Variants in LAMA3 observed in about 807,000 individuals in gnomAD.
LAMA3 encodes laminin subunit alpha 3.
Under a neutral mutation model 402.0 loss-of-function variants are expected in LAMA3, and 281 were observed. The observed-to-expected ratio is 0.70, with a 90% CI of 0.63 to 0.77. The LOEUF (loss-of-function observed/expected upper bound fraction) is 0.77, where lower values mean the gene tolerates loss of function less well. Among genes scored for constraint, LAMA3 ranks in the 30% least tolerant of loss-of-function variants. The pLI, the probability that LAMA3 is intolerant of heterozygous loss-of-function variation, is 0.00. For missense variants in LAMA3, 3,840 were observed against 4,215.5 expected (o/e 0.91, Z 2.47); for synonymous variants, 1,431 against 1,558.4 (o/e 0.92, Z 1.93).
intron 6 of LAMA3, among the ~76,000 whole-genome samples, 153 bp from the exon 7 acceptor site, chr18:23,758,243 A>G (rs1392537474): frequency 1.3e-5 from 2 of 152,264 alleles, no homozygotes; most frequent in South Asian, 2.1e-4. Flanking sequence ...GGAGGCTTAA[A>G]TAATACTTGC....
intron 11 of LAMA3, among the ~76,000 whole-genome samples, chr18:23,781,059 T>G (rs2062427089): frequency 6.6e-6 from 1 of 152,222 alleles, no homozygotes; most frequent in South Asian, 2.1e-4. Flanking sequence ...TTTCTTGAGA[T>G]ATAATCACTG....
chr18:23,894,819 G>A, intron 43 of LAMA3, 88 bp from the exon 44 acceptor site: 1 of 1,545,224 alleles, frequency 6.5e-7, no homozygotes. Flanking sequence ...CTGCGTGCAT[G>A]CCAACTGGGC....
chr18:23,722,867 C>T (rs1266232970), intron 2 of LAMA3, among the ~76,000 whole-genome samples: 3 of 152,126 alleles, frequency 2.0e-5, no homozygotes, highest in Non-Finnish European at 4.4e-5. Flanking sequence ...ACAATTATGA[C>T]CAGCATTTGG....
Position 23,884,787 on chromosome 18 carries a change from G to A in LAMA3, c.5237G>A (p.Cys1746Tyr), listed in dbSNP as rs764160602. ...CTTCTTTCAAGCTTTGCCACTGGCT[G>A]TGTGGTGAATGGGGGAGACGTGCGG... is the stretch of plus-strand genomic sequence containing the variant. ...CPHTNSFATG[C>Y]VVNGGDVRCS... The change falls in exon 41 of 75, where the codon TGT becomes TAT. Residue 1746 changes from cysteine to tyrosine, a missense_variant. Cys to Tyr is a radical substitution (Grantham distance 194). This residue lies in a region of LAMA3 where 2,109 missense variants were observed against 2,376.0 expected (regional missense o/e 0.89). Transcript: ENST00000313654. 6.2e-7 allele frequency: 1 copy of A among 1,613,874 alleles called. No homozygotes were observed.
chr18:23,842,639 T>C lies in LAMA3; in HGVS notation c.3492T>C (p.His1164=). The change falls in exon 29 of 75, where the codon CAT becomes CAC. Residue 1164 remains histidine, a synonymous_variant. Coordinates refer to ENST00000313654, the MANE Select transcript of LAMA3 (RefSeq NM_198129.4). ...AGSFHASFCP[H]VLGCRDQVIA... is the part of the protein sequence containing the mutation. ...CCTTCCATGCCTCTTTTTGCCCCCA[T>C]GTGCTTGGCTGCCGGGATCAAGTGA... 1 of 1,614,188 alleles carries C rather than the reference T, an allele frequency of 6.2e-7. No individual in the cohort carries two copies. Among genetic ancestry groups the C allele is most frequent in the South Asian group, 1.1e-5 (1 of 91,090 alleles).
intron 22 of LAMA3, 31 bp from the exon 23 acceptor site, chr18:23,827,281 CTA>C: frequency 6.2e-7 from 1 of 1,612,166 alleles, no homozygotes; most frequent in Non-Finnish European, 8.5e-7. Context: ...TCAGTTGTAA[CTA>C]TTGATTCCAT....
intron 38 of LAMA3, among the ~76,000 whole-genome samples, chr18:23,874,954 C>T (rs2064656655): frequency 2.0e-5 from 3 of 152,172 alleles, no homozygotes; most frequent in African/African-American, 4.8e-5. Context: ...ACCTCCACCT[C>T]CCAGGTTCAA....
In LAMA3 at chr18:23,725,585, C is replaced by G. The variant is rs570476814; in HGVS notation, c.447+11513C>G. 2.6e-5 allele frequency among the ~76,000 whole-genome samples: 4 copies of G among 152,298 alleles called. No individual in the cohort carries two copies. The South Asian group carries it at 8.3e-4, about 32-fold the overall frequency. On this transcript the variant is annotated intron_variant, in intron 2 of 74. Coordinates refer to ENST00000313654, the MANE Select transcript of LAMA3 (RefSeq NM_198129.4). ...GGGCTCCCCATAAGGGGGGCTCCAGCAAGACCAAGCTCTTTGCCTGTCTAG... is the reference window on the plus strand; with the variant it reads ...GGGCTCCCCATAAGGGGGGCTCCAGGAAGACCAAGCTCTTTGCCTGTCTAG...
At position 23,751,064 on chromosome 18, in the gene LAMA3, G is replaced by C. The variant is rs62093354; in HGVS notation, c.831G>C (p.Gln277His). The change falls in exon 5 of 75, where the codon CAG becomes CAC. Residue 277 changes from glutamine (Q) to histidine (H), a missense_variant. Gln to His is a conservative substitution (Grantham distance 24, BLOSUM62 0). Around this residue, in one of 3 missense-constraint regions of LAMA3, gnomAD observed 2,109 missense variants for 2,376.0 expected, o/e 0.89. Transcript: ENST00000313654. Reference sequence around the variant, plus strand: ...TTGGACACCTCATCTCCAAAGCCCAGCGAGATCCAACTGTCACTCGGCGGG... The same window carrying C: ...TTGGACACCTCATCTCCAAAGCCCACCGAGATCCAACTGTCACTCGGCGGG... ...TLLGHLISKA[Q>H]RDPTVTRRYY... is the part of the protein sequence containing the mutation. 6.2e-7 allele frequency: 1 copy of C among 1,614,070 alleles called. No individual in the cohort carries two copies. The highest frequency in any genetic ancestry group is 8.5e-7 in the Non-Finnish European group (1 of 1,180,002).
rs1004868388 is a variant in LAMA3 at position 23,771,327 on chromosome 18, G to A, written c.1183-2170G>A. 5.9e-5 allele frequency among the ~76,000 whole-genome samples: 9 copies of A among 152,172 alleles called. No homozygotes were observed. The South Asian group carries it at 6.2e-4, about 11-fold the overall frequency. On this transcript the variant is annotated intron_variant, in intron 8 of 74. Coordinates refer to ENST00000313654, the MANE Select transcript of LAMA3 (RefSeq NM_198129.4). ...AAAACACACACCCAAAAGTATCAGG[G>A]CCATTTAAATGAAATTCTGAAACAG...
At chr18:23,755,880 G>A (rs1020082803) in intron 6 of LAMA3, among the ~76,000 whole-genome samples, 3 of 152,190 alleles carry the variant, frequency 2.0e-5, no homozygotes, top group Admixed American at 2.0e-4. Flanking sequence ...TACAGCAGGT[G>A]TATTATTAAC....
At chr18:23,873,575 C>T (rs2144836199) in intron 38 of LAMA3, among the ~76,000 whole-genome samples, 1 of 152,218 alleles carries the variant, frequency 6.6e-6, no homozygotes, top group Admixed American at 6.5e-5. Context: ...GAAAATTTAC[C>T]CACGGGGGGG....
intron 40 of LAMA3, among the ~76,000 whole-genome samples, chr18:23,883,784 C>A (rs2064979491): frequency 6.6e-6 from 1 of 152,210 alleles, no homozygotes; most frequent in Non-Finnish European, 1.5e-5. Context: ...TTTTCATTTT[C>A]ATTTGCAAAG....
At chr18:23,855,931 G>T (rs1161140240) in intron 32 of LAMA3, among the ~76,000 whole-genome samples, 2 of 152,158 alleles carry the variant, frequency 1.3e-5, no homozygotes, top group Non-Finnish European at 2.9e-5. Flanking sequence ...TAGTTGTGCC[G>T]AGTGGACAGA....
rs2064834495 is a variant in LAMA3, at chr18:23,879,659, G to A, written c.5113-2277G>A. Among the ~76,000 whole-genome samples, 1 of 152,188 alleles carries A rather than the reference G, an allele frequency of 6.6e-6. No individual in the cohort carries two copies. Among genetic ancestry groups the A allele is most frequent in the South Asian group, 2.1e-4 (1 of 4,830 alleles). On this transcript the variant is annotated intron_variant, in intron 39 of 74. Transcript: ENST00000313654. The surrounding 1 kb of genome is among the most constrained non-coding windows in gnomAD (Gnocchi z 4.2). ...GTGGACGTGGGCTTCTGCAGCATTC[G>A]TTCATTTATTTATTCACAGTAAAAC...
chr18:23,928,651 A>T lies in LAMA3; in HGVS notation c.8322A>T (p.Arg2774Ser). 6.2e-7 allele frequency: 1 copy of T among 1,613,964 alleles called. No individual in the cohort carries two copies. Among genetic ancestry groups the T allele is most frequent in the Non-Finnish European group, 8.5e-7 (1 of 1,179,830 alleles). ...TTGTGCGATCTGCCTCATTCTCCAG[A>T]GGAGGACAATTGAGTTTCACTGATT... is the stretch of plus-strand genomic sequence containing the variant. ...WKLVRSASFS[R>S]GGQLSFTDLG... Residue 2774 changes from arginine to serine, a missense_variant, in exon 64 of 75, where the codon AGA becomes AGT. This residue lies in a region of LAMA3 where 840 missense variants were observed against 981.9 expected (regional missense o/e 0.86). Transcript: ENST00000313654.
At position 23,945,069 on chromosome 18, in the gene LAMA3, G is replaced by A. The variant is rs1261955646; in HGVS notation, c.9211-1075G>A. Among the ~76,000 whole-genome samples, 4 of 151,944 alleles carry A rather than the reference G, an allele frequency of 2.6e-5. 1 individual carries two copies. The highest frequency in any genetic ancestry group is 1.3e-4 in the Admixed American group (2 of 15,270). On this transcript the variant is annotated intron_variant, in intron 69 of 74. Transcript: ENST00000313654. ...AATCGCTTGAACTCAGGAGGTGGAG[G>A]TTGCAGTGAGCCGAGATCACACCAC...
chr18:23,696,496 G>A (rs2060687933), intron 1 of LAMA3, among the ~76,000 whole-genome samples: 1 of 152,146 alleles, frequency 6.6e-6, no homozygotes, highest in Non-Finnish European at 1.5e-5. Context: ...GCTAAGAGCA[G>A]GTGAAATCCC....
intron 27 of LAMA3, among the ~76,000 whole-genome samples, chr18:23,840,508 A>C (rs1186417260): frequency 6.7e-6 from 1 of 150,120 alleles, no homozygotes; most frequent in Non-Finnish European, 1.5e-5. Context: ...TCGGCCTCCC[A>C]AGTAGCTGGG....
Sources: allele counts gnomAD v4.1 joint callset (sites outside exome capture counted in the v4.1 genomes callset), GRCh38; gene constraint gnomAD v4.1.1; regional missense constraint gnomAD v4.1.1; non-coding constraint Gnocchi (gnomAD v3.1); transcripts MANE v1.5; gene names NCBI Gene and HGNC (gene_info 2026-07-23, HGNC 2026-07-21).